CADPS2: variants seen among roughly 807,000 people sequenced by gnomAD.
CADPS2 encodes calcium-dependent secretion activator 2.
Under a neutral mutation model 172.5 loss-of-function variants are expected in CADPS2, and 93 were observed. That is an observed-to-expected ratio of 0.54 (90% CI 0.46 to 0.64). The LOEUF is 0.64. Ranked by LOEUF, CADPS2 falls within the 30% of genes least tolerant of loss-of-function variation. CADPS2 has a pLI of 0.00. For synonymous variants in CADPS2, 546 were observed against 555.2 expected (o/e 0.98, Z 0.23); for missense variants, 1,420 against 1,565.9 (o/e 0.91, Z 1.57).
At chr7:122,878,029 C>CA (rs541833746) in intron 1 of CADPS2, among the ~76,000 whole-genome samples, 111 of 151,686 alleles carry the variant, frequency 7.3e-4, no homozygotes, top group African/African-American at 2.2e-3. Flanking sequence ...GAGGCCGAGG[C>CA]GGTGGATCAT....
intron 18 of CADPS2, among the ~76,000 whole-genome samples, chr7:122,415,601 C>CA (rs549530021): frequency 0.08 from 5,157 of 64,736 alleles, 129 homozygotes; most frequent in Non-Finnish European, 0.11. Flanking sequence ...AATACAGAAC[C>CA]AAAAAAAAAA....
chr7:122,717,285 C>T (rs762244065), intron 2 of CADPS2, among the ~76,000 whole-genome samples: 3 of 152,096 alleles, frequency 2.0e-5, no homozygotes, highest in East Asian at 3.9e-4. Context: ...AGTTGACAAA[C>T]ATTTAGTAGC....
At chr7:122,725,214 G>A (rs563584540) in intron 2 of CADPS2, among the ~76,000 whole-genome samples, 38 of 152,038 alleles carry the variant, frequency 2.5e-4, no homozygotes, top group Non-Finnish European at 4.3e-4. Context: ...TATCTTAGAG[G>A]TTAGTGAATA....
At chr7:122,767,499 C>T (rs756607154) in intron 1 of CADPS2, among the ~76,000 whole-genome samples, 1 of 151,918 alleles carries the variant, frequency 6.6e-6, no homozygotes, top group Admixed American at 6.6e-5. Context: ...TTAAGCTTCT[C>T]GGTTGGAGAG....
intron 15 of CADPS2, among the ~76,000 whole-genome samples, chr7:122,444,911 C>T (rs147359770): frequency 1.3e-5 from 2 of 152,138 alleles, no homozygotes; most frequent in African/African-American, 2.4e-5. Context: ...CTAGGTCTAC[C>T]TATTTTGAGT....
intron 2 of CADPS2, chr7:122,702,497 G>C: frequency 6.2e-7 from 1 of 1,613,624 alleles, no homozygotes; most frequent in Non-Finnish European, 8.5e-7. Flanking sequence ...AGGATGACAG[G>C]CATTCTGATT....
At chr7:122,522,041 G>A (rs1274978680) in intron 8 of CADPS2, among the ~76,000 whole-genome samples, 1 of 152,094 alleles carries the variant, frequency 6.6e-6, no homozygotes, top group Non-Finnish European at 1.5e-5. Flanking sequence ...TCCACCCTCA[G>A]ATAAGACATC....
chr7:122,393,630 A>T, intron 20 of CADPS2, 48 bp from the exon 21 acceptor site: 1 of 1,607,232 alleles, frequency 6.2e-7, no homozygotes, highest in Non-Finnish European at 8.5e-7. Context: ...ATAATATCAG[A>T]CATTTGGAAA....
chr7:122,521,794 T>C (rs1230214257), intron 8 of CADPS2, among the ~76,000 whole-genome samples: 1 of 151,972 alleles, frequency 6.6e-6, no homozygotes, highest in Non-Finnish European at 1.5e-5. Flanking sequence ...CATAGAGTTC[T>C]TCACTTATAT....
chr7:122,799,529 G>A (rs546012712), intron 1 of CADPS2, among the ~76,000 whole-genome samples: 135 of 151,452 alleles, frequency 8.9e-4, no homozygotes, highest in Middle Eastern at 3.4e-3. Flanking sequence ...CGTGAACCCC[G>A]GGAGGTGGAG....
chr7:122,609,182 G>C (rs1299836571), intron 6 of CADPS2, among the ~76,000 whole-genome samples: 2 of 152,034 alleles, frequency 1.3e-5, no homozygotes, highest in African/African-American at 2.4e-5. Context: ...GCACTCAAAG[G>C]ATACTTAACA....
At chr7:122,610,197 A>G (rs2133755211) in intron 6 of CADPS2, among the ~76,000 whole-genome samples, 1 of 152,140 alleles carries the variant, frequency 6.6e-6, no homozygotes, top group South Asian at 2.1e-4. Flanking sequence ...ACTTCCTCTC[A>G]GGTTTCAAAG....
At chr7:122,724,127 T>G (rs1304806486) in intron 2 of CADPS2, among the ~76,000 whole-genome samples, 1 of 152,044 alleles carries the variant, frequency 6.6e-6, no homozygotes, top group African/African-American at 2.4e-5. Flanking sequence ...TGTATTCATA[T>G]GTAACAAACC....
intron 8 of CADPS2, among the ~76,000 whole-genome samples, chr7:122,524,291 A>C (rs2061034301): frequency 6.6e-6 from 1 of 152,222 alleles, no homozygotes; most frequent in African/African-American, 2.4e-5. Context: ...ATCCTGAATT[A>C]ACACAAATAT....
intron 6 of CADPS2, among the ~76,000 whole-genome samples, chr7:122,609,639 C>T (rs1231711550): frequency 6.6e-6 from 1 of 152,150 alleles, no homozygotes; most frequent in African/African-American, 2.4e-5. Flanking sequence ...GTTTATTAGA[C>T]CCCAGGTCCT....
At chr7:122,685,505 C>T (rs1314734494) in intron 2 of CADPS2, among the ~76,000 whole-genome samples, 1 of 152,242 alleles carries the variant, frequency 6.6e-6, no homozygotes, top group Non-Finnish European at 1.5e-5. Context: ...CTCTCCTTAA[C>T]ACAAGTTTCA....
intron 3 of CADPS2, among the ~76,000 whole-genome samples, chr7:122,632,920 C>A (rs1357779489): frequency 1.3e-5 from 2 of 152,138 alleles, no homozygotes; most frequent in Admixed American, 1.3e-4. Flanking sequence ...ATATGGCTAG[C>A]CAGTTATTCC....
At chr7:122,438,272 C>T in intron 17 of CADPS2, 69 bp downstream of exon 17, 1 of 1,587,048 alleles carries the variant, frequency 6.3e-7, no homozygotes, top group Non-Finnish European at 8.6e-7. Flanking sequence ...AAGGACTTCT[C>T]ATAGAAAATT....
rs78427700 is a variant in CADPS2 at position 122,377,491 on chromosome 7, C to T, written c.3387+1877G>A. Among the ~76,000 whole-genome samples the T allele has an allele frequency of 4.3e-3, 656 of 152,068 alleles. 8 individuals carry two copies. Among genetic ancestry groups the T allele is most frequent in the African/African-American group, 0.014 (567 of 41,480 alleles). Reference sequence around the variant, plus strand: ...TAGCTAGCATGTAATTGAATGATGCCGATTATGCAAACTTCTCACAAAAGG... The same window carrying T: ...TAGCTAGCATGTAATTGAATGATGCTGATTATGCAAACTTCTCACAAAAGG... On this transcript the variant is annotated intron_variant, in intron 25 of 29. Coordinates refer to ENST00000449022, the MANE Select transcript of CADPS2 (RefSeq NM_017954.11).
Sources: allele counts gnomAD v4.1 joint callset (sites outside exome capture counted in the v4.1 genomes callset), GRCh38; gene constraint gnomAD v4.1.1; transcripts MANE v1.5; gene names NCBI Gene and HGNC (gene_info 2026-07-23, HGNC 2026-07-21).